PRKAR1B: variants seen among roughly 807,000 people sequenced by gnomAD.
PRKAR1B encodes the protein cAMP-dependent protein kinase type I-beta regulatory subunit.
Under a neutral mutation model 46.5 loss-of-function variants are expected in PRKAR1B, and 22 were observed. The ratio of observed to expected loss-of-function variants is 0.47; its 90% CI spans 0.34 to 0.68. The LOEUF (loss-of-function observed/expected upper bound fraction) is 0.68. Ranked by LOEUF, PRKAR1B falls within the 30% of genes least tolerant of loss-of-function variation. The pLI is 0.01. For missense variants in PRKAR1B, 445 were observed against 535.6 expected, an observed-to-expected ratio of 0.83 and a Z score of 1.67; for synonymous variants, 259 against 217.7, an observed-to-expected ratio of 1.19 and a Z score of -1.67.
intron 4 of PRKAR1B, among the ~76,000 whole-genome samples, chr7:660,938 C>T (rs1275079333): frequency 1.8e-5 from 2 of 110,996 alleles, no homozygotes; most frequent in African/African-American, 7.2e-5. Flanking sequence ...CCCAACCCAA[C>T]GGGTCCAAAT....
chr7:657,284 G>GATGA (rs1406756265), intron 4 of PRKAR1B, among the ~76,000 whole-genome samples: 1 of 151,358 alleles, frequency 6.6e-6, no homozygotes, highest in Non-Finnish European at 1.5e-5. Flanking sequence ...TGGATGGATG[G>GATGA]ATGGATGGAT....
chr7:617,799 G>A (rs62432160), intron 4 of PRKAR1B, among the ~76,000 whole-genome samples: 83,435 of 152,076 alleles, frequency 0.55, 24,138 homozygotes, highest in South Asian at 0.8. Flanking sequence ...GTGGCAGGTC[G>A]GACGGAAAGC....
At chr7:717,529 A>G (rs911600396) in intron 1 of PRKAR1B, among the ~76,000 whole-genome samples, 1 of 151,462 alleles carries the variant, frequency 6.6e-6, no homozygotes, top group African/African-American at 2.4e-5. Context: ...ATGGTGGTGC[A>G]CACCTGTAGT....
chr7:639,473 AAAG>A (rs1480883718), intron 4 of PRKAR1B, among the ~76,000 whole-genome samples: 1 of 152,260 alleles, frequency 6.6e-6, no homozygotes, highest in Non-Finnish European at 1.5e-5. Flanking sequence ...TGAAACTATA[AAAG>A]AAGACAAAAT....
At chr7:578,212 TC>T (rs1457759953) in intron 9 of PRKAR1B, among the ~76,000 whole-genome samples, 2 of 152,018 alleles carry the variant, frequency 1.3e-5, no homozygotes, top group Admixed American at 1.3e-4. Context: ...AGGCACGGAG[TC>T]CCTCGCCGGC....
upstream of PRKAR1B, chr7:727,799 C>G (rs2128067378): frequency 7.1e-6 from 1 of 141,552 alleles, no homozygotes; most frequent in African/African-American, 2.7e-5. Context: ...ACCCTCACCT[C>G]CCACCCTCCT....
At chr7:601,217 A>G (rs1161704353) in intron 6 of PRKAR1B, among the ~76,000 whole-genome samples, 2 of 152,216 alleles carry the variant, frequency 1.3e-5, no homozygotes, top group African/African-American at 2.4e-5. Context: ...AAACCAGGGA[A>G]AACCGCTAGC....
At chr7:723,727 G>C (rs1334035213) in intron 1 of PRKAR1B, among the ~76,000 whole-genome samples, 2 of 152,160 alleles carry the variant, frequency 1.3e-5, no homozygotes, top group Non-Finnish European at 2.9e-5. Flanking sequence ...GAAATCCTCA[G>C]TCTGCCATGT....
intron 4 of PRKAR1B, among the ~76,000 whole-genome samples, chr7:619,709 T>C (rs1260861884): frequency 6.6e-6 from 1 of 152,248 alleles, no homozygotes; most frequent in Non-Finnish European, 1.5e-5. Flanking sequence ...CTGGCTCCAT[T>C]TATGATCAAG....
At chr7:706,568 G>A (rs953249829) in intron 2 of PRKAR1B, among the ~76,000 whole-genome samples, 7 of 145,594 alleles carry the variant, frequency 4.8e-5, no homozygotes, top group Non-Finnish European at 7.5e-5. Flanking sequence ...ACAGGCACCC[G>A]CCACCATGCC....
Position 550,318 on chromosome 7 carries a change from A to G in PRKAR1B, c.*112T>C. 2 of 921,174 alleles carry G rather than the reference A, an allele frequency of 2.2e-6. No individual in the cohort carries two copies. The highest frequency in any genetic ancestry group is 3.2e-5 in the South Asian group (2 of 62,222). 57.1% of individuals were successfully genotyped at this position (921,174 alleles called of 1,614,324 possible). A position where few individuals can be genotyped will look rare whatever the true frequency, so the allele number is the denominator to read the frequency against. On this transcript the variant is annotated 3_prime_UTR_variant, in exon 11 of 11. Coordinates refer to ENST00000537384, the MANE Select transcript of PRKAR1B (RefSeq NM_001164760.2). ...AAGGGGCAGTCCTCACGCTGCCGGG[A>G]CCCAGCCCCACCCGGCCCACACCTC...
upstream of PRKAR1B, chr7:727,396 C>A: frequency 1.3e-6 from 1 of 795,196 alleles, no homozygotes; most frequent in Non-Finnish European, 1.6e-6. Context: ...TCTCACAACC[C>A]CCGCGGCTCG....
rs186595242 is a variant in PRKAR1B, at chr7:622,955, G to A, written c.441-15503C>T. Among the ~76,000 whole-genome samples, 156 of 152,244 alleles carry A rather than the reference G, an allele frequency of 1.0e-3. 1 individual carries two copies. The South Asian group carries it at 0.014, about 13-fold the overall frequency. The stretch of plus-strand genomic sequence containing the variant: ...CTGGGGAAGAACCTCTCTCCATTGC[G>A]GATTTAAACCTTAGGTCAATGTTAT... On this transcript the variant is annotated intron_variant, in intron 4 of 10. Coordinates refer to ENST00000537384, the MANE Select transcript of PRKAR1B (RefSeq NM_001164760.2).
intron 9 of PRKAR1B, among the ~76,000 whole-genome samples, chr7:563,796 C>CGT (rs545599040): frequency 1.3e-5 from 2 of 150,816 alleles, no homozygotes; most frequent in Non-Finnish European, 3.0e-5. Flanking sequence ...CATGTGTGTA[C>CGT]GTGTGTGTGC....
intron 2 of PRKAR1B, among the ~76,000 whole-genome samples, chr7:695,963 CCTT>C (rs1449278497): frequency 6.9e-6 from 1 of 144,254 alleles, no homozygotes; most frequent in African/African-American, 2.6e-5. Context: ...TGCGCCCAAC[CCTT>C]TTTTTTTTTT....
rs1784123676 is a variant in PRKAR1B at position 550,640 on chromosome 7, GGT to G, written c.974-40_974-39del. On this transcript the variant is annotated intron_variant, in intron 10 of 10. Transcript: ENST00000537384. ...GAGAGAGGTCAGGGCTGGGCCTGGG[GGT>G]CCTGAGGCTGCAGCAGGGAAAGATT... is the stretch of plus-strand genomic sequence containing the variant. The G allele has an allele frequency of 4.0e-6, 6 of 1,491,246 alleles. No homozygotes were observed. The African/African-American group carries it at 4.2e-5, about 10-fold the overall frequency. The allele number at this position is 1,491,246 out of a possible 1,614,324, so 92.4% of individuals were successfully genotyped here.
Position 640,078 on chromosome 7 carries a change from A to T in PRKAR1B, c.441-32626T>A, listed in dbSNP as rs577371380. Among the ~76,000 whole-genome samples, 3 of 150,928 alleles carry T rather than the reference A, an allele frequency of 2.0e-5. No individual in the cohort carries two copies. The East Asian group carries it at 5.9e-4, about 30-fold the overall frequency. Reference sequence around the variant, plus strand: ...CTCAGGAGGCTGAGGAAGGAGAATCACTTAAACCCGGGAGGCGCAGGTTGC... The same window carrying T: ...CTCAGGAGGCTGAGGAAGGAGAATCTCTTAAACCCGGGAGGCGCAGGTTGC... On this transcript the variant is annotated intron_variant, in intron 4 of 10. Transcript: ENST00000537384.
rs368621753 is a variant in PRKAR1B, at chr7:662,343, C to G, written c.440+14886G>C. Among the ~76,000 whole-genome samples the G allele has an allele frequency of 8.9e-4, 115 of 128,810 alleles. 1 individual carries two copies. In the East Asian group the frequency reaches 0.025, roughly 28 times the overall value. The allele number at this position is 128,810 out of a possible 152,430, so 84.5% of individuals were successfully genotyped here. On this transcript the variant is annotated intron_variant, in intron 4 of 10. Transcript: ENST00000537384. ...CAGGTCCAAATACCTACTCTCCCCC[C>G]CATGGCACAGGTCCCCACCCCAACG...
intron 4 of PRKAR1B, among the ~76,000 whole-genome samples, chr7:616,486 C>T (rs367603598): frequency 3.9e-5 from 6 of 152,232 alleles, no homozygotes; most frequent in South Asian, 2.1e-4. Context: ...AGGGTCTCTC[C>T]GGAGCTGCGT....
Sources: gnomAD v4.1 joint callset for allele counts (sites outside exome capture counted in the v4.1 genomes callset) on GRCh38, gnomAD v4.1.1 for gene constraint, MANE v1.5 for transcripts, NCBI Gene and HGNC (gene_info 2026-07-23, HGNC 2026-07-21) for gene names.